Variants in MEF2B observed in about 807,000 individuals in gnomAD.
MEF2B encodes myocyte enhancer factor 2B.
Under a neutral mutation model 32.2 loss-of-function variants are expected in MEF2B, and 15 were observed. That is an observed-to-expected ratio of 0.47 (90% confidence interval 0.31 to 0.72). MEF2B has a LOEUF of 0.72. Among genes scored for constraint, MEF2B ranks in the 30% least tolerant of loss-of-function variants. The probability of loss-of-function intolerance (pLI) is 0.05; values close to 1 mark genes in which losing one functional copy is unlikely to be tolerated. For missense variants in MEF2B, 441 were observed against 511.5 expected, an observed-to-expected ratio of 0.86 and a Z score of 1.33; for synonymous variants, 205 against 225.6, an observed-to-expected ratio of 0.91 and a Z score of 0.82.
intron 1 of MEF2B, among the ~76,000 whole-genome samples, chr19:19,152,993 C>T (rs1206216205): frequency 6.6e-6 from 1 of 152,340 alleles, no homozygotes; most frequent in Non-Finnish European, 1.5e-5. Context: ...AATCCCCAGC[C>T]GGAATCGGGC....
At position 19,153,613 on chromosome 19, in the gene MEF2B, C is replaced by T. The variant is rs138945949; in HGVS notation, c.-29-2849G>A. On this transcript the variant is annotated intron_variant, in intron 1 of 8. Transcript: ENST00000424583. ...CTGCGATTACGGGCATGCACCACCA[C>T]ACCTCGCTAATTTTTGTATTTTTAG... 5.5e-3 allele frequency among the ~76,000 whole-genome samples: 843 copies of T among 152,172 alleles called. 9 individuals carry two copies. The highest frequency in any genetic ancestry group is 0.019 in the African/African-American group (798 of 41,506).
intron 3 of MEF2B, 44 bp from the exon 4 acceptor site, chr19:19,147,876 C>T (rs775846850): frequency 1.9e-6 from 3 of 1,585,002 alleles, no homozygotes; most frequent in South Asian, 1.1e-5. Flanking sequence ...ACCCCTACCC[C>T]ACCCAGGGAA....
At chr19:19,149,077 G>T in intron 3 of MEF2B, 149 bp downstream of exon 3, 4 of 973,582 alleles carry the variant, frequency 4.1e-6, no homozygotes, top group Non-Finnish European at 6.0e-6. Context: ...GATGAGTGGA[G>T]GGTCCCTTCT....
intron 1 of MEF2B, among the ~76,000 whole-genome samples, chr19:19,152,039 A>C (rs978026723): frequency 1.3e-5 from 2 of 149,104 alleles, no homozygotes; most frequent in African/African-American, 4.9e-5. Flanking sequence ...CGGCTCACTA[A>C]AACCTCCGCC....
intron 1 of MEF2B, among the ~76,000 whole-genome samples, chr19:19,158,403 C>CT (rs201553270): frequency 1 from 144,641 of 144,642 alleles, 72,320 homozygotes; most frequent in Non-Finnish European, 1. Flanking sequence ...AGGAAGATTT[C>CT]TAAAAAGCTC....
chr19:19,156,530 A>C (rs1323084342), intron 1 of MEF2B, among the ~76,000 whole-genome samples: 2 of 152,150 alleles, frequency 1.3e-5, no homozygotes, highest in African/African-American at 4.8e-5. Context: ...TAAAATAATA[A>C]CTAAAAAACA....
At chr19:19,162,217 T>A (rs2060169882) in intron 1 of MEF2B, among the ~76,000 whole-genome samples, 1 of 152,120 alleles carries the variant, frequency 6.6e-6, no homozygotes, top group Admixed American at 6.5e-5. Context: ...TTCCTGGGCT[T>A]AAGCATTCCT....
intron 1 of MEF2B, among the ~76,000 whole-genome samples, chr19:19,165,998 T>C (rs2060204415): frequency 6.6e-6 from 1 of 152,144 alleles, no homozygotes; most frequent in Admixed American, 6.6e-5. Flanking sequence ...CCTTCTGTTA[T>C]TGAGCCCTTA....
chr19:19,164,414 G>A (rs1205130939), intron 1 of MEF2B, among the ~76,000 whole-genome samples: 1 of 152,102 alleles, frequency 6.6e-6, no homozygotes, highest in Admixed American at 6.5e-5. Flanking sequence ...CTCAGGCCAA[G>A]GAACTGGCCC....
Position 19,147,743 on chromosome 19 carries a change from C to A in MEF2B, c.348G>T (p.Leu116=). The part of the protein sequence containing the change: ...PEEPGEKFRR[L]AGEGGDPALP... ...AGGCCGGATCACCCCCTTCGCCTGC[C>A]AGCCTCCGAAACTTCTCTCCTGGCT... is the stretch of plus-strand genomic sequence containing the variant. The change falls in exon 4 of 9, where the codon CTG becomes CTT. Residue 116 remains leucine (L), a synonymous_variant. Transcript: ENST00000424583. The A allele has an allele frequency of 3.7e-6, 6 of 1,613,990 alleles. No homozygotes were observed. The highest frequency in any genetic ancestry group is 4.2e-6 in the Non-Finnish European group (5 of 1,179,978).
At position 19,166,904 on chromosome 19, in the gene MEF2B, TA is replaced by T. The variant is rs2060213191; in HGVS notation, c.-30+3300del. ...CATAGGGAGACCTTGTCTCTATAAA[TA>T]AATAAATAAATAAGTGGGCCAGGTG... On this transcript the variant is annotated intron_variant, in intron 1 of 8. Coordinates refer to ENST00000424583, the MANE Select transcript of MEF2B (RefSeq NM_001145785.2). Among the ~76,000 whole-genome samples the T allele has an allele frequency of 5.3e-5, 8 of 151,860 alleles. No individual in the cohort carries two copies. The South Asian group carries it at 1.7e-3, about 32-fold the overall frequency.
intron 3 of MEF2B, among the ~76,000 whole-genome samples, chr19:19,148,547 G>A (rs986397939): frequency 7.9e-5 from 12 of 152,020 alleles, no homozygotes; most frequent in South Asian, 2.1e-4. Flanking sequence ...GCATGCTCCC[G>A]GACCCCAACC....
chr19:19,151,693 C>G (rs1158109694), intron 1 of MEF2B, among the ~76,000 whole-genome samples: 1 of 152,220 alleles, frequency 6.6e-6, no homozygotes, highest in Non-Finnish European at 1.5e-5. Flanking sequence ...TACGCTCAGG[C>G]CTGGCCTTCC....
intron 1 of MEF2B, among the ~76,000 whole-genome samples, chr19:19,157,864 A>T (rs1433198220): frequency 6.6e-6 from 1 of 152,108 alleles, no homozygotes; most frequent in African/African-American, 2.4e-5. Context: ...AACAAAAAAC[A>T]AAAAACCCTC....
intron 2 of MEF2B, among the ~76,000 whole-genome samples, chr19:19,150,113 AT>A (rs2060061173): frequency 8.2e-6 from 1 of 121,592 alleles, no homozygotes; most frequent in South Asian, 3.2e-4. Flanking sequence ...AAAAGGAAGG[AT>A]GGAAGGAGGG....
In MEF2B at chr19:19,147,842, C is replaced by G; in HGVS notation, c.259-10G>C. ...CCCTCCGCTTCAGCGTCTATGGGGACAGGAGACAACAGGGTAGACCCTTAC... is the reference window on the plus strand; with the variant it reads ...CCCTCCGCTTCAGCGTCTATGGGGAGAGGAGACAACAGGGTAGACCCTTAC... On this transcript the variant is annotated splice_polypyrimidine_tract_variant and intron_variant, in intron 3 of 8. Transcript: ENST00000424583. 4 of 1,611,982 alleles carry G rather than the reference C, an allele frequency of 2.5e-6. No individual in the cohort carries two copies. Among genetic ancestry groups the G allele is most frequent in the Non-Finnish European group, 3.4e-6 (4 of 1,179,522 alleles).
Position 19,145,635 on chromosome 19 carries a change from C to A in MEF2B, c.*162G>T. The stretch of plus-strand genomic sequence containing the variant: ...CACAAATAGGAAGAAGGAAAGGAGC[C>A]CCCCAGGGTGGATTGAGTCCAGCCG... On this transcript the variant is annotated 3_prime_UTR_variant, in exon 9 of 9. Transcript: ENST00000424583. The surrounding 1 kb of genome is among the most constrained non-coding windows in gnomAD (Gnocchi z 4.6). 1 of 1,476,090 alleles carries A rather than the reference C, an allele frequency of 6.8e-7. No homozygotes were observed. The highest frequency in any genetic ancestry group is 9.1e-7 in the Non-Finnish European group (1 of 1,101,634). The allele number at this position is 1,476,090 out of a possible 1,614,324, so 91.4% of individuals were successfully genotyped here.
intron 1 of MEF2B, among the ~76,000 whole-genome samples, chr19:19,156,376 T>C (rs549764402): frequency 7.3e-5 from 11 of 151,142 alleles, no homozygotes; most frequent in Non-Finnish European, 1.6e-4. Context: ...CTAGGCAACA[T>C]AGCGAGACCC....
intron 1 of MEF2B, among the ~76,000 whole-genome samples, chr19:19,158,821 A>G (rs1237637499): frequency 6.6e-6 from 1 of 151,878 alleles, no homozygotes; most frequent in African/African-American, 2.4e-5. Context: ...CCTTAGTCCC[A>G]GCTACTCAGG....
Sources: gnomAD v4.1 joint callset for allele counts (sites outside exome capture counted in the v4.1 genomes callset) on GRCh38, gnomAD v4.1.1 for gene constraint, Gnocchi (gnomAD v3.1) non-coding constraint, MANE v1.5 for transcripts, NCBI Gene and HGNC (gene_info 2026-07-23, HGNC 2026-07-21) for gene names.